The following ZAN variants were observed in gnomAD, a reference collection of about 807,000 sequenced individuals.
ZAN encodes zonadhesin.
In ZAN, 260 loss-of-function variants were observed where a neutral mutation model predicts 286.2. The ratio of observed to expected loss-of-function variants is 0.91; its 90% CI spans 0.82 to 1.01. The LOEUF is 1.01. Ranked by LOEUF, ZAN falls within the 50% of genes least tolerant of loss-of-function variation. The probability of loss-of-function intolerance (pLI) is 0.00; values close to 1 mark genes in which losing one functional copy is unlikely to be tolerated. For missense variants in ZAN, 3,410 were observed against 3,639.2 expected (o/e 0.94, Z 1.62); for synonymous variants, 1,368 against 1,417.5 (o/e 0.97, Z 0.79).
Position 100,754,120 on chromosome 7 carries a change from G to A in ZAN, c.3124+891G>A, listed in dbSNP as rs575249710. On this transcript the variant is annotated intron_variant, in intron 14 of 47. Transcript: ENST00000613979. ...TCTTTCACTGAGTGTAATGTTTTCC[G>A]GGCCATCCATACTGTAGCATGCATC... Among the ~76,000 whole-genome samples the A allele has an allele frequency of 5.9e-4, 90 of 151,900 alleles. 2 individuals carry two copies. The highest frequency in any genetic ancestry group is 4.7e-4 in the Non-Finnish European group (32 of 68,008).
At chr7:100,742,918 T>C (rs1461641817) in intron 7 of ZAN, among the ~76,000 whole-genome samples, 1 of 72,318 alleles carries the variant, frequency 1.4e-5, no homozygotes, top group Admixed American at 1.5e-4. Context: ...ACTTATTTTT[T>C]AAGGATTTTT....
At chr7:100,785,659 CT>C (rs530251109) in intron 36 of ZAN, among the ~76,000 whole-genome samples, 9,209 of 143,044 alleles carry the variant, frequency 0.064, 850 homozygotes, top group African/African-American at 0.21. Context: ...CCTCTTCACT[CT>C]TTTTTTTTTT....
chr7:100,792,683 C>A lies in ZAN; in HGVS notation c.7787+204C>A, dbSNP rs78285122. On this transcript the variant is annotated intron_variant, in intron 42 of 47. Coordinates refer to ENST00000613979, the MANE Select transcript of ZAN (RefSeq NM_003386.3). ...TCGAATTTCTGCCTTAGTCCCAGGT[C>A]CAAGTCAGCACAACCGGCAGCCTGG... The A allele has an allele frequency of 5.4e-5, 72 of 1,328,960 alleles. No individual in the cohort carries two copies. In the East Asian group the frequency reaches 2.0e-3, roughly 36 times the overall value. 82.3% of individuals were successfully genotyped at this position (1,328,960 alleles called of 1,614,324 possible). A position where few individuals can be genotyped will look rare whatever the true frequency, so the allele number is the denominator to read the frequency against.
At chr7:100,779,121 T>G (rs1811014171) in intron 34 of ZAN, among the ~76,000 whole-genome samples, 1 of 151,352 alleles carries the variant, frequency 6.6e-6, no homozygotes, top group African/African-American at 2.4e-5. Context: ...GAGAATCGCT[T>G]GAACCCGGGA....
At chr7:100,756,637 G>T (rs867656512) in intron 15 of ZAN, among the ~76,000 whole-genome samples, 2 of 151,578 alleles carry the variant, frequency 1.3e-5, no homozygotes, top group South Asian at 4.2e-4. Flanking sequence ...AGAAAGATCT[G>T]TCACAACCAT....
intron 2 of ZAN, 87 bp from the exon 3 acceptor site, chr7:100,735,633 C>G (rs996266294): frequency 5.8e-6 from 6 of 1,036,818 alleles, no homozygotes; most frequent in African/African-American, 3.3e-5. Flanking sequence ...CCTTACGTGA[C>G]CACTCAGAAA....
rs757067507 is a variant in ZAN at position 100,739,456 on chromosome 7, T to C, written c.766+843T>C. Among the ~76,000 whole-genome samples the C allele has an allele frequency of 5.8e-5, 8 of 137,296 alleles. 2 individuals carry two copies. Among genetic ancestry groups the C allele is most frequent in the Non-Finnish European group, 8.2e-5 (5 of 61,296 alleles). The allele number at this position is 137,296 out of a possible 152,430, so 90.1% of individuals were successfully genotyped here. A position where few individuals can be genotyped will look rare whatever the true frequency, so the allele number is the denominator to read the frequency against. On this transcript the variant is annotated intron_variant, in intron 7 of 47. Transcript: ENST00000613979. ...GGGGCAGTTACCGACACAAAGTAAA[T>C]ATAGTTATAAAGTGAGCGATGCTAC... is the stretch of plus-strand genomic sequence containing the variant.
rs1310288570 is a variant in ZAN at position 100,769,967 on chromosome 7, C to A, written c.5241C>A (p.Asn1747Lys). ...AWNKNCAILI[N>K]PQGPFSQCHQ... ...ACAAGAACTGTGCGATCTTAATAAA[C>A]CCTCAGGGTAAGACATGTCCCTGCT... The change falls in exon 28 of 48, where the codon AAC (asparagine) becomes AAA (lysine). Residue 1747 changes from asparagine to lysine, a missense_variant. By Grantham distance (94) the Asn-to-Lys change is moderately conservative (BLOSUM62 0). Coordinates refer to ENST00000613979, the MANE Select transcript of ZAN (RefSeq NM_003386.3). 2 of 1,562,650 alleles carry A rather than the reference C, an allele frequency of 1.3e-6. No homozygotes were observed. Among genetic ancestry groups the A allele is most frequent in the African/African-American group, 1.4e-5 (1 of 73,622 alleles).
intron 25 of ZAN, 136 bp from the exon 26 acceptor site, chr7:100,767,695 T>G: frequency 1.0e-6 from 1 of 991,396 alleles, no homozygotes; most frequent in Non-Finnish European, 1.4e-6. Flanking sequence ...CCCAGGCTGA[T>G]CTCGAGATCC....
Position 100,752,589 on chromosome 7 carries a change from AACC to A in ZAN, c.2491_2493del (p.Thr831del), listed in dbSNP as rs1205034544. 2.8e-5 allele frequency: 45 copies of A among 1,611,834 alleles called. No homozygotes were observed. Among genetic ancestry groups the A allele is most frequent in the Non-Finnish European group, 3.6e-5 (43 of 1,179,388 alleles). Reference sequence around the variant, plus strand: ...AAAAACCCACTCTCCCCACTGAAGAAACCACCACCTCTGTTGAAGAGACTACCA... The same window carrying A: ...AAAAACCCACTCTCCCCACTGAAGAAACCACCTCTGTTGAAGAGACTACCA... On this transcript the variant is annotated inframe_deletion, in exon 14 of 48. Transcript: ENST00000613979.
intron 28 of ZAN, among the ~76,000 whole-genome samples, chr7:100,770,200 T>C (rs1810280545): frequency 6.6e-6 from 1 of 151,894 alleles, no homozygotes; most frequent in South Asian, 2.1e-4. Flanking sequence ...CTTTTTTTTT[T>C]TCCTATTAAA....
rs753265465 is a variant in ZAN at position 100,776,503 on chromosome 7, G to A, written c.6256G>A (p.Glu2086Lys). Reference sequence around the variant, plus strand: ...GGACGAACTAATGATGCCCAGCGATGAAGTAGCAAATAGTGACAGTGAATT... The same window carrying A: ...GGACGAACTAATGATGCCCAGCGATAAAGTAGCAAATAGTGACAGTGAATT... ...EEDELMMPSD[E>K]VANSDSEFVN... The change falls in exon 34 of 48, where the codon GAA (glutamate) becomes AAA (lysine). Residue 2086 changes from glutamate to lysine, a missense_variant. Glu to Lys is a moderately conservative substitution (Grantham distance 56, BLOSUM62 1). Transcript: ENST00000613979. 1.9e-6 allele frequency: 3 copies of A among 1,589,280 alleles called. No homozygotes were observed. The highest frequency in any genetic ancestry group is 2.6e-6 in the Non-Finnish European group (3 of 1,167,512).
Position 100,791,985 on chromosome 7 carries a change from G to A in ZAN, c.7549G>A (p.Glu2517Lys), listed in dbSNP as rs776946975. Reference sequence around the variant, plus strand: ...CTGCAGGGCTATACCAGCGGAGGAGGAGGGACAAGGGGCGGAGCTGGGCCT... The same window carrying A: ...CTGCAGGGCTATACCAGCGGAGGAGAAGGGACAAGGGGCGGAGCTGGGCCT... ...RFPRAIPAEE[E>K]GQGAELGLRT... Residue 2517 changes from glutamate to lysine, a missense_variant, in exon 41 of 48, where the codon GAG becomes AAG. Coordinates refer to ENST00000613979, the MANE Select transcript of ZAN (RefSeq NM_003386.3). 2 of 1,613,060 alleles carry A rather than the reference G, an allele frequency of 1.2e-6. No homozygotes were observed. Among genetic ancestry groups the A allele is most frequent in the Non-Finnish European group, 1.7e-6 (2 of 1,179,646 alleles).
intron 10 of ZAN, 52 bp from the exon 11 acceptor site, chr7:100,748,272 G>T (rs1808372884): frequency 6.2e-7 from 1 of 1,613,864 alleles, no homozygotes; most frequent in African/African-American, 1.3e-5. Context: ...GGCTGGGGGA[G>T]GGCTGGAGAG....
Position 100,766,553 on chromosome 7 carries a change from G to A in ZAN, c.4499G>A (p.Cys1500Tyr). The stretch of plus-strand genomic sequence containing the variant: ...GGGGAGCGGTGGTACAAGCCAGGCT[G>A]CAAAGAGTTGTGCGTCTGTGAAAGC... ...KVGERWYKPGCKELCVCESNN... is the reference protein window; with the variant it reads ...KVGERWYKPGYKELCVCESNN... The change falls in exon 24 of 48, where the codon TGC (cysteine) becomes TAC (tyrosine). Residue 1500 changes from cysteine to tyrosine, a missense_variant. Cys to Tyr is a radical substitution (Grantham distance 194). Coordinates refer to ENST00000613979, the MANE Select transcript of ZAN (RefSeq NM_003386.3). 1.3e-6 allele frequency: 2 copies of A among 1,551,850 alleles called. No individual in the cohort carries two copies. Among genetic ancestry groups the A allele is most frequent in the Non-Finnish European group, 1.7e-6 (2 of 1,147,042 alleles).
Position 100,747,645 on chromosome 7 carries a change from C to A in ZAN, c.1023+4C>A. ...CACAGCCGTGGGACGGATACAGGTA[C>A]AGAGAAGCAAGGGGTCAGGTCCTTG... On this transcript the variant is annotated splice_donor_region_variant and intron_variant, in intron 9 of 47. Transcript: ENST00000613979. 1 of 1,613,496 alleles carries A rather than the reference C, an allele frequency of 6.2e-7. No homozygotes were observed. The highest frequency in any genetic ancestry group is 8.5e-7 in the Non-Finnish European group (1 of 1,179,596).
intron 35 of ZAN, among the ~76,000 whole-genome samples, chr7:100,784,007 C>T (rs1811393205): frequency 6.6e-6 from 1 of 150,928 alleles, no homozygotes; most frequent in South Asian, 2.1e-4. Flanking sequence ...CTGCTCTGTG[C>T]CTCCATCATG....
At chr7:100,795,151 T>C (rs773842855) in intron 44 of ZAN, 45 bp from the exon 45 acceptor site, 3 of 1,572,312 alleles carry the variant, frequency 1.9e-6, no homozygotes, top group East Asian at 4.8e-5. Context: ...CAGCTGGGAG[T>C]GTCCTCCCAG....
Position 100,763,815 on chromosome 7 carries a change from G to C in ZAN, c.3996G>C (p.Lys1332Asn). The change falls in exon 21 of 48, where the codon AAG becomes AAC. Residue 1332 changes from lysine to asparagine, a missense_variant. Physicochemically the swap from Lys to Asn is moderately conservative, Grantham distance 94 (BLOSUM62 0). Around this residue, in one of 7 missense-constraint regions of ZAN, gnomAD observed 1,042 missense variants for 1,058.0 expected, o/e 0.98. Coordinates refer to ENST00000613979, the MANE Select transcript of ZAN (RefSeq NM_003386.3). This position sits in a 1 kb window ranked among gnomAD's most constrained non-coding sequence, Gnocchi z 4.6. ...GGTGGGTCTCTTGCAGGTGTCAGAA[G>C]TACCAGGTGGTGAATTCCCCGTCTT... ...TDQDEDQECQ[K>N]YQVVNSPSCD... is the part of the protein sequence containing the mutation. 6.2e-7 allele frequency: 1 copy of C among 1,614,040 alleles called. No individual in the cohort carries two copies. The highest frequency in any genetic ancestry group is 1.1e-5 in the South Asian group (1 of 91,088).
Sources: gnomAD v4.1 joint callset for allele counts (sites outside exome capture counted in the v4.1 genomes callset) on GRCh38, gnomAD v4.1.1 for gene constraint, gnomAD v4.1.1 regional missense constraint, Gnocchi (gnomAD v3.1) non-coding constraint, MANE v1.5 for transcripts, NCBI Gene and HGNC (gene_info 2026-07-23, HGNC 2026-07-21) for gene names.